Variants in FAR1 observed in about 807,000 individuals in gnomAD.
FAR1 encodes male sterility domain-containing protein 2.
In FAR1, 22 loss-of-function variants were observed where a neutral mutation model predicts 61.1. The ratio of observed to expected loss-of-function variants is 0.36; its 90% CI spans 0.26 to 0.51. The LOEUF (loss-of-function observed/expected upper bound fraction) is 0.51. Among genes scored for constraint, FAR1 ranks in the 20% least tolerant of loss-of-function variants. FAR1 has a pLI of 0.95. For synonymous variants in FAR1, 206 were observed against 209.7 expected (o/e 0.98, Z 0.15); for missense variants, 359 against 626.9 (o/e 0.57, Z 4.56).
intron 1 of FAR1, among the ~76,000 whole-genome samples, chr11:13,670,563 A>C (rs1426312318): frequency 1.3e-5 from 2 of 152,180 alleles, no homozygotes; most frequent in African/African-American, 4.8e-5. Context: ...AAGTGCTGGG[A>C]TTACAGGCGT....
At chr11:13,692,091 C>T (rs1040626538) in intron 1 of FAR1, among the ~76,000 whole-genome samples, 2 of 152,086 alleles carry the variant, frequency 1.3e-5, no homozygotes, top group African/African-American at 4.8e-5. Flanking sequence ...CACTTGAACC[C>T]AGGAGGTAAA....
intron 3 of FAR1, among the ~76,000 whole-genome samples, chr11:13,704,039 C>G (rs1163114518): frequency 7.8e-6 from 1 of 128,954 alleles, no homozygotes; most frequent in African/African-American, 2.9e-5. Context: ...AGCGAAACTC[C>G]GTCTCAAAAA....
chr11:13,669,924 ACT>A (rs1847977393), intron 1 of FAR1, among the ~76,000 whole-genome samples: 1 of 152,064 alleles, frequency 6.6e-6, no homozygotes, highest in African/African-American at 2.4e-5. Context: ...ATCAGAAGAT[ACT>A]CTCAGAAAAT....
At chr11:13,727,747 T>C (rs565293625) in intron 11 of FAR1, 64 bp downstream of exon 11, 2 of 1,449,262 alleles carry the variant, frequency 1.4e-6, no homozygotes, top group African/African-American at 2.9e-5. Context: ...ACAATTTTTT[T>C]GGTAAACTGG....
intron 10 of FAR1, among the ~76,000 whole-genome samples, chr11:13,722,497 TAG>T (rs1259461299): frequency 1.3e-4 from 19 of 151,952 alleles, no homozygotes; most frequent in Non-Finnish European, 2.2e-4. Flanking sequence ...TTTTTTGAGA[TAG>T]AGTTTCGTTC....
chr11:13,727,419 T>G, intron 10 of FAR1, 137 bp from the exon 11 acceptor site: 1 of 634,712 alleles, frequency 1.6e-6, no homozygotes, highest in Non-Finnish European at 2.5e-6. Flanking sequence ...AGCGGTAAGA[T>G]TTCAGAAGTT....
intron 1 of FAR1, among the ~76,000 whole-genome samples, chr11:13,690,351 TTC>T (rs1848236068): frequency 6.6e-6 from 1 of 152,256 alleles, no homozygotes; most frequent in Non-Finnish European, 1.5e-5. Context: ...GGTTTGCCTT[TTC>T]TCTTTATTGT....
chr11:13,716,293 G>A (rs1356956489), intron 9 of FAR1, among the ~76,000 whole-genome samples: 1 of 152,046 alleles, frequency 6.6e-6, no homozygotes, highest in African/African-American at 2.4e-5. Context: ...GTGAATAGCT[G>A]GTTTACTAAA....
At chr11:13,701,588 A>G (rs1848375961) in intron 3 of FAR1, among the ~76,000 whole-genome samples, 1 of 152,090 alleles carries the variant, frequency 6.6e-6, no homozygotes, top group African/African-American at 2.4e-5. Flanking sequence ...AAAAGGTTTG[A>G]TATTATTCCC....
rs1007267589 is a variant in FAR1, at chr11:13,703,532, C to G, written c.365+3040C>G. Among the ~76,000 whole-genome samples, 4 of 152,268 alleles carry G rather than the reference C, an allele frequency of 2.6e-5. No homozygotes were observed. The South Asian group carries it at 8.3e-4, about 32-fold the overall frequency. ...AAACCAACATAAATTGCACACAGAT[C>G]TTATTTGCAAAGTGCATATGGTCTA... is the stretch of plus-strand genomic sequence containing the variant. On this transcript the variant is annotated intron_variant, in intron 3 of 11. Coordinates refer to ENST00000354817, the MANE Select transcript of FAR1 (RefSeq NM_032228.6).
chr11:13,692,932 A>G (rs1186136803), intron 1 of FAR1, among the ~76,000 whole-genome samples: 1 of 152,104 alleles, frequency 6.6e-6, no homozygotes, highest in Non-Finnish European at 1.5e-5. Flanking sequence ...TATTTTTCAA[A>G]TATCTGGTGA....
At chr11:13,681,579 A>G (rs952622555) in intron 1 of FAR1, among the ~76,000 whole-genome samples, 1 of 152,200 alleles carries the variant, frequency 6.6e-6, no homozygotes, top group Non-Finnish European at 1.5e-5. Context: ...TGCCTAGCTC[A>G]CAAGAATACT....
chr11:13,713,840 A>T (rs1168184022), intron 8 of FAR1, among the ~76,000 whole-genome samples: 1 of 152,154 alleles, frequency 6.6e-6, no homozygotes, highest in Admixed American at 6.5e-5. Flanking sequence ...TAACTTTATG[A>T]TAATTATTTT....
Position 13,710,726 on chromosome 11 carries a change from G to A in FAR1, c.579G>A (p.Thr193=), listed in dbSNP as rs368878955. 2.6e-5 allele frequency: 42 copies of A among 1,600,544 alleles called. No individual in the cohort carries two copies. The highest frequency in any genetic ancestry group is 6.7e-5 in the African/African-American group (5 of 74,126). Residue 193 remains threonine, a synonymous_variant, in exon 5 of 12, where the codon ACG becomes ACA. Coordinates refer to ENST00000354817, the MANE Select transcript of FAR1 (RefSeq NM_032228.6). ...ATGATGGCCTAGTAAATGATATCAC[G>A]CCAAAATTGATAGGAGACAGACCTA... ...WMDDGLVNDI[T]PKLIGDRPNT...
intron 2 of FAR1, among the ~76,000 whole-genome samples, chr11:13,700,000 T>C (rs1255687180): frequency 6.6e-6 from 1 of 152,186 alleles, no homozygotes; most frequent in Non-Finnish European, 1.5e-5. Context: ...AAGTCTATTC[T>C]GAGGGGTGAT....
Position 13,721,632 on chromosome 11 carries a change from A to C in FAR1, c.1128-98A>C. The C allele has an allele frequency of 1.2e-6, 1 of 829,374 alleles. No homozygotes were observed. Among genetic ancestry groups the C allele is most frequent in the Non-Finnish European group, 1.9e-6 (1 of 537,202 alleles). The allele number at this position is 829,374 out of a possible 1,614,324, so 51.4% of individuals were successfully genotyped here. A position where few individuals can be genotyped will look rare whatever the true frequency, so the allele number is the denominator to read the frequency against. On this transcript the variant is annotated intron_variant, in intron 9 of 11. Transcript: ENST00000354817. The surrounding 1 kb of genome is among the most constrained non-coding windows in gnomAD (Gnocchi z 4.2). ...ATTAAATGTTATAATTTTAATACTA[A>C]TGTCTATATTATAGGGGGAAACTTG...
chr11:13,703,731 A>G (rs1229182051), intron 3 of FAR1, among the ~76,000 whole-genome samples: 1 of 152,150 alleles, frequency 6.6e-6, no homozygotes, highest in Non-Finnish European at 1.5e-5. Flanking sequence ...CTTAGGATTC[A>G]TAAGGAAATA....
chr11:13,686,076 C>T (rs1370401062), intron 1 of FAR1, among the ~76,000 whole-genome samples: 1 of 152,186 alleles, frequency 6.6e-6, no homozygotes, highest in Non-Finnish European at 1.5e-5. Flanking sequence ...ACTTTATGTG[C>T]CTTCTCTAAA....
intron 1 of FAR1, among the ~76,000 whole-genome samples, chr11:13,676,500 G>C (rs1172043884): frequency 6.6e-6 from 1 of 152,152 alleles, no homozygotes; most frequent in Non-Finnish European, 1.5e-5. Flanking sequence ...GAAACAACCA[G>C]AAGTAATGCA....
Sources: allele counts gnomAD v4.1 joint callset (sites outside exome capture counted in the v4.1 genomes callset), GRCh38; gene constraint gnomAD v4.1.1; non-coding constraint Gnocchi (gnomAD v3.1); transcripts MANE v1.5; gene names NCBI Gene and HGNC (gene_info 2026-07-23, HGNC 2026-07-21).